Variants in TMEM132C observed in about 807,000 individuals in gnomAD.
TMEM132C encodes transmembrane protein 132C, also known as protein phosphatase 1, regulatory subunit 152.
A neutral mutation model predicts 61.4 loss-of-function variants in TMEM132C; 29 were observed. The ratio of observed to expected loss-of-function variants is 0.47; its 90% CI spans 0.35 to 0.64. TMEM132C has a LOEUF of 0.64. TMEM132C is among the 30% of genes least tolerant of loss of function. The pLI is 0.00. For synonymous variants in TMEM132C, 656 were observed against 633.1 expected (o/e 1.04, Z -0.54); for missense variants, 1,408 against 1,476.9 (o/e 0.95, Z 0.76).
intron 4 of TMEM132C, among the ~76,000 whole-genome samples, chr12:128,620,400 T>A (rs1953952907): frequency 6.6e-6 from 1 of 152,086 alleles, no homozygotes; most frequent in East Asian, 1.9e-4. Flanking sequence ...AGCAAACAGG[T>A]AGATACTTCC....
At chr12:128,530,546 C>T (rs916448371) in intron 2 of TMEM132C, among the ~76,000 whole-genome samples, 10 of 152,050 alleles carry the variant, frequency 6.6e-5, no homozygotes, top group African/African-American at 1.4e-4. Flanking sequence ...CTTGTTCAAG[C>T]GCTTCTCCTG....
At chr12:128,545,578 G>C (rs187017342) in intron 3 of TMEM132C, among the ~76,000 whole-genome samples, 1 of 152,368 alleles carries the variant, frequency 6.6e-6, no homozygotes, top group African/African-American at 2.4e-5. Flanking sequence ...CCTACACACA[G>C]TGTGTAAGTG....
At chr12:128,649,495 T>C (rs1954245765) in intron 4 of TMEM132C, among the ~76,000 whole-genome samples, 1 of 152,214 alleles carries the variant, frequency 6.6e-6, no homozygotes, top group Admixed American at 6.5e-5. Context: ...CAGAAATGCC[T>C]CTCACACAGA....
chr12:128,328,395 C>A (rs773751819), intron 1 of TMEM132C, among the ~76,000 whole-genome samples: 1 of 152,118 alleles, frequency 6.6e-6, no homozygotes, highest in Non-Finnish European at 1.5e-5. Context: ...AACACTGACC[C>A]CCCGGCTTAC....
chr12:128,459,884 C>CAAAAAA (rs71069569), intron 2 of TMEM132C, among the ~76,000 whole-genome samples: 8 of 82,118 alleles, frequency 9.7e-5, no homozygotes, highest in South Asian at 5.6e-4. Context: ...GACTCTGTCT[C>CAAAAAA]AAAAAAAAAA....
intron 1 of TMEM132C, among the ~76,000 whole-genome samples, chr12:128,321,635 T>C (rs776564918): frequency 6.6e-6 from 1 of 152,174 alleles, no homozygotes; most frequent in African/African-American, 2.4e-5. Flanking sequence ...CACATGTACA[T>C]GTGCAAGTAA....
intron 8 of TMEM132C, among the ~76,000 whole-genome samples, chr12:128,703,722 G>A (rs1037675028): frequency 2.0e-5 from 3 of 152,206 alleles, no homozygotes; most frequent in East Asian, 1.9e-4. Context: ...ATAGTGCTGC[G>A]ATGAACATAT....
At chr12:128,652,860 C>T (rs1046157686) in intron 4 of TMEM132C, among the ~76,000 whole-genome samples, 10 of 152,186 alleles carry the variant, frequency 6.6e-5, no homozygotes, top group African/African-American at 1.9e-4. Context: ...AAAGATAATT[C>T]GCCTTGGGGA....
At chr12:128,651,294 G>A (rs1244769140) in intron 4 of TMEM132C, among the ~76,000 whole-genome samples, 1 of 152,140 alleles carries the variant, frequency 6.6e-6, no homozygotes, top group Non-Finnish European at 1.5e-5. Flanking sequence ...GCAGTTGTCT[G>A]CAGCCCAAGC....
intron 3 of TMEM132C, among the ~76,000 whole-genome samples, chr12:128,583,085 A>G (rs1593108489): frequency 6.6e-6 from 1 of 152,254 alleles, no homozygotes; most frequent in Non-Finnish European, 1.5e-5. Context: ...AGTATTATTT[A>G]TAAGAGAAAA....
intron 1 of TMEM132C, among the ~76,000 whole-genome samples, chr12:128,294,422 C>T (rs980491823): frequency 6.6e-6 from 1 of 152,216 alleles, no homozygotes; most frequent in African/African-American, 2.4e-5. Context: ...CTGACTTCCT[C>T]TCCCTCTCTA....
At chr12:128,279,075 A>G (rs1332553931) in intron 1 of TMEM132C, among the ~76,000 whole-genome samples, 1 of 152,032 alleles carries the variant, frequency 6.6e-6, no homozygotes, top group Non-Finnish European at 1.5e-5. Flanking sequence ...TACTCACTCT[A>G]TTGGTTCTAT....
At chr12:128,382,160 A>G (rs1471888700) in intron 1 of TMEM132C, among the ~76,000 whole-genome samples, 1 of 152,130 alleles carries the variant, frequency 6.6e-6, no homozygotes, top group Non-Finnish European at 1.5e-5. Flanking sequence ...AGGCGAAAGA[A>G]GCCATTGTTC....
At chr12:128,397,175 C>G (rs1050915451) in intron 1 of TMEM132C, among the ~76,000 whole-genome samples, 2 of 152,170 alleles carry the variant, frequency 1.3e-5, no homozygotes, top group African/African-American at 4.8e-5. Flanking sequence ...CTCTCTGCCA[C>G]TCCCCCACGG....
chr12:128,494,360 C>CG (rs1480952093), intron 2 of TMEM132C, among the ~76,000 whole-genome samples: 1 of 152,150 alleles, frequency 6.6e-6, no homozygotes, highest in African/African-American at 2.4e-5. Context: ...ATGCTGGCCT[C>CG]AAAAATGAGT....
rs146024089 is a variant in TMEM132C, at chr12:128,482,369, G to A, written c.975-61588G>A. ...CAGAAATAACTGAATAACTGGATTCGGTTTGCCAGTATTTTATTGATGATT... is the reference window on the plus strand; with the variant it reads ...CAGAAATAACTGAATAACTGGATTCAGTTTGCCAGTATTTTATTGATGATT... On this transcript the variant is annotated intron_variant, in intron 2 of 8. Transcript: ENST00000435159. Among the ~76,000 whole-genome samples, 478 of 152,234 alleles carry A rather than the reference G, an allele frequency of 3.1e-3. 3 individuals carry two copies. The highest frequency in any genetic ancestry group is 0.011 in the African/African-American group (453 of 41,536).
At position 128,570,659 on chromosome 12, in the gene TMEM132C, C is replaced by T. The variant is rs78475638; in HGVS notation, c.1121+26556C>T. Among the ~76,000 whole-genome samples the T allele has an allele frequency of 0.02, 2,991 of 152,230 alleles. 97 individuals carry two copies. Among genetic ancestry groups the T allele is most frequent in the African/African-American group, 0.069 (2,851 of 41,506 alleles). On this transcript the variant is annotated intron_variant, in intron 3 of 8. Coordinates refer to ENST00000435159, the MANE Select transcript of TMEM132C (RefSeq NM_001136103.3). The surrounding 1 kb of genome is among the most constrained non-coding windows in gnomAD (Gnocchi z 4.7). ...AGGCTCCTTTTCTCTTTCTGCTCTG[C>T]CATCTATGGCATGTGGTGGCTTTTC...
In TMEM132C at chr12:128,706,418, T is replaced by A. The variant is rs1330958180; in HGVS notation, c.*123T>A. On this transcript the variant is annotated 3_prime_UTR_variant, in exon 9 of 9. Transcript: ENST00000435159. ...GGTCCCAGGGTCCATGCTAGACCAG[T>A]TGGAAAGTTTTGAAGTCAGGAAAAG... 1 of 1,274,682 alleles carries A rather than the reference T, an allele frequency of 7.8e-7. No individual in the cohort carries two copies. The highest frequency in any genetic ancestry group is 1.5e-5 in the African/African-American group (1 of 67,056). The allele number at this position is 1,274,682 out of a possible 1,614,324, so 79.0% of individuals were successfully genotyped here.
chr12:128,378,120 T>G (rs201689936), intron 1 of TMEM132C, among the ~76,000 whole-genome samples: 2 of 6,086 alleles, frequency 3.3e-4, no homozygotes, highest in Admixed American at 3.7e-3. Context: ...TTTTTTTTTG[T>G]TTTTTTTTTT....
Sources: allele counts gnomAD v4.1 joint callset (sites outside exome capture counted in the v4.1 genomes callset), GRCh38; gene constraint gnomAD v4.1.1; non-coding constraint Gnocchi (gnomAD v3.1); transcripts MANE v1.5; gene names NCBI Gene and HGNC (gene_info 2026-07-23, HGNC 2026-07-21).